STX1A: variants seen among roughly 807,000 people sequenced by gnomAD.
The protein encoded by STX1A is syntaxin 1A, also known as syntaxin-1A.
In STX1A, 4 loss-of-function variants were observed where a neutral mutation model predicts 37.8. The observed-to-expected ratio is 0.11, with a 90% CI of 0.05 to 0.24. The LOEUF (loss-of-function observed/expected upper bound fraction) is 0.24. Ranked by LOEUF, STX1A falls within the 10% of genes least tolerant of loss-of-function variation. The probability of loss-of-function intolerance (pLI) is 1.00; values close to 1 mark genes in which losing one functional copy is unlikely to be tolerated. For synonymous variants in STX1A, 135 were observed against 147.4 expected, an observed-to-expected ratio of 0.92 and a Z score of 0.61; for missense variants, 251 against 399.9, an observed-to-expected ratio of 0.63 and a Z score of 3.18.
rs564014664 is a variant in STX1A, at chr7:73,705,507, A to C, written c.209-283T>G. On this transcript the variant is annotated intron_variant, in intron 3 of 9. Coordinates refer to ENST00000222812, the MANE Select transcript of STX1A (RefSeq NM_004603.4). This position sits in a 1 kb window ranked among gnomAD's most constrained non-coding sequence, Gnocchi z 5.2. ...GGAGATAACAGATGGGTCTAAATTT[A>C]AGGCAGAAGTAATTGTGGAGCAGCT... 7.6e-6 allele frequency: 3 copies of C among 394,286 alleles called. No individual in the cohort carries two copies. The highest frequency in any genetic ancestry group is 9.9e-5 in the East Asian group (2 of 20,164). The allele number at this position is 394,286 out of a possible 1,614,324, so 24.4% of individuals were successfully genotyped here. A position where few individuals can be genotyped will look rare whatever the true frequency, so the allele number is the denominator to read the frequency against.
Position 73,702,999 on chromosome 7 carries a change from G to A in STX1A, c.541-17C>T. 6.3e-7 allele frequency: 1 copy of A among 1,585,548 alleles called. No homozygotes were observed. The highest frequency in any genetic ancestry group is 1.2e-5 in the South Asian group (1 of 86,730). On this transcript the variant is annotated splice_polypyrimidine_tract_variant and intron_variant, in intron 7 of 9. Coordinates refer to ENST00000222812, the MANE Select transcript of STX1A (RefSeq NM_004603.4). The surrounding 1 kb of genome is among the most constrained non-coding windows in gnomAD (Gnocchi z 4.7). ...CATGATGATCTGGGGGTGGGAGCAG[G>A]GGGCTGGGACCCAGAGGCTTGCTGA...
At position 73,704,412 on chromosome 7, in the gene STX1A, A is replaced by ACTG; in HGVS notation, c.292_294dup (p.Gln98dup). 6.2e-7 allele frequency: 1 copy of ACTG among 1,614,054 alleles called. No homozygotes were observed. Among genetic ancestry groups the ACTG allele is most frequent in the Non-Finnish European group, 8.5e-7 (1 of 1,180,000 alleles). The stretch of plus-strand genomic sequence containing the variant: ...TTCAGGCCTTCCTCTTGCTCGATGG[A>ACTG]CTGCTCGATGCCTGGGGGCACAGGT... On this transcript the variant is annotated inframe_insertion, in exon 5 of 10. Coordinates refer to ENST00000222812, the MANE Select transcript of STX1A (RefSeq NM_004603.4).
chr7:73,708,185 A>T (rs1380715356), intron 3 of STX1A, among the ~76,000 whole-genome samples: 1 of 145,746 alleles, frequency 6.9e-6, no homozygotes, highest in African/African-American at 2.6e-5. Context: ...AATCGCTTGA[A>T]CCCGGAAGGC....
intron 1 of STX1A, among the ~76,000 whole-genome samples, chr7:73,712,848 C>T (rs1467213060): frequency 2.0e-5 from 3 of 152,182 alleles, no homozygotes; most frequent in Non-Finnish European, 4.4e-5. Context: ...AAATTACAGC[C>T]CCTGCCCAAG....
In STX1A at chr7:73,705,275, G is replaced by A. The variant is rs781980128; in HGVS notation, c.209-51C>T. On this transcript the variant is annotated intron_variant, in intron 3 of 9. Coordinates refer to ENST00000222812, the MANE Select transcript of STX1A (RefSeq NM_004603.4). This position sits in a 1 kb window ranked among gnomAD's most constrained non-coding sequence, Gnocchi z 5.2. The stretch of plus-strand genomic sequence containing the variant: ...AGGCCTCCTAGGCTCCGCGGGGACT[G>A]ATGTGCAGGCTCAGCCTCCAGCCCA... The A allele has an allele frequency of 2.7e-6, 4 of 1,493,966 alleles. No individual in the cohort carries two copies. The allele number at this position is 1,493,966 out of a possible 1,614,324, so 92.5% of individuals were successfully genotyped here.
At chr7:73,708,786 G>A in intron 2 of STX1A, 98 bp from the exon 3 acceptor site, 1 of 1,315,254 alleles carries the variant, frequency 7.6e-7, no homozygotes, top group South Asian at 1.3e-5. Flanking sequence ...CAGGGCTCAG[G>A]GGGAGGACGG....
rs1283869909 is a variant in STX1A at position 73,704,024 on chromosome 7, TGCCTCGGGCCACCC to T, written c.466+110_466+123del. The T allele has an allele frequency of 1.2e-4, 119 of 1,030,706 alleles. 2 individuals carry two copies. The highest frequency in any genetic ancestry group is 1.1e-3 in the Middle Eastern group (3 of 2,708). The allele number at this position is 1,030,706 out of a possible 1,614,324, so 63.8% of individuals were successfully genotyped here. On this transcript the variant is annotated intron_variant, in intron 6 of 9. Coordinates refer to ENST00000222812, the MANE Select transcript of STX1A (RefSeq NM_004603.4). The stretch of plus-strand genomic sequence containing the variant: ...CCCCTCCAGCCCCAAACTCAGCAGC[TGCCTCGGGCCACCC>T]GCCTCGGGCCCCTAACTAAGCAGCA...
At chr7:73,708,357 T>C (rs1023687159) in intron 3 of STX1A, among the ~76,000 whole-genome samples, 20 of 151,888 alleles carry the variant, frequency 1.3e-4, no homozygotes, top group Admixed American at 1.3e-3. Context: ...AAGTCTTTCA[T>C]GGAGACCTGG....
In STX1A at chr7:73,717,677, T is replaced by C. The variant is rs1201281373; in HGVS notation, c.30+1925A>G. 6.6e-6 allele frequency among the ~76,000 whole-genome samples: 1 copy of C among 152,052 alleles called. No homozygotes were observed. Among genetic ancestry groups the C allele is most frequent in the Non-Finnish European group, 1.5e-5 (1 of 67,988 alleles). On this transcript the variant is annotated intron_variant, in intron 1 of 9. Coordinates refer to ENST00000222812, the MANE Select transcript of STX1A (RefSeq NM_004603.4). The surrounding 1 kb of genome is among the most constrained non-coding windows in gnomAD (Gnocchi z 4.1). ...GCCTCCCTGGGCTCTGAATGCCTTG[T>C]GTGGGGAGGGTGGGGGTGTCTGGAG...
chr7:73,700,366 G>A lies in STX1A; in HGVS notation c.*41C>T. On this transcript the variant is annotated 3_prime_UTR_variant, in exon 10 of 10. Transcript: ENST00000222812. The surrounding 1 kb of genome is among the most constrained non-coding windows in gnomAD (Gnocchi z 4.4). ...AGGTGGCAGCAGCCAGGGCCTCCTT[G>A]GAGTGGCCCACCTGGAGTGGAGTGG... 1.2e-6 allele frequency: 2 copies of A among 1,602,576 alleles called. No individual in the cohort carries two copies. Among genetic ancestry groups the A allele is most frequent in the Non-Finnish European group, 1.7e-6 (2 of 1,169,600 alleles).
intron 1 of STX1A, among the ~76,000 whole-genome samples, chr7:73,718,631 A>G (rs782104648): frequency 2.8e-4 from 43 of 151,756 alleles, no homozygotes; most frequent in Non-Finnish European, 5.6e-4. Context: ...CCTCCCCGAC[A>G]CACCCAGAGA....
intron 8 of STX1A, among the ~76,000 whole-genome samples, chr7:73,701,537 A>G (rs868909518): frequency 1.3e-4 from 20 of 151,818 alleles, no homozygotes; most frequent in African/African-American, 4.8e-4. Context: ...AGAAAAAGAA[A>G]AAAAAAAAAA....
rs1798717037 is a variant in STX1A at position 73,702,973 on chromosome 7, C to T, written c.550G>A (p.Asp184Asn). 1.2e-6 allele frequency: 2 copies of T among 1,606,956 alleles called. No homozygotes were observed. Among genetic ancestry groups the T allele is most frequent in the Non-Finnish European group, 1.7e-6 (2 of 1,177,226 alleles). ...PAIFASGIIM[D>N]SSISKQALSE... ...AGAGCCTGCTTCGAGATGCTGGAGT[C>T]CATGATGATCTGGGGGTGGGAGCAG... is the stretch of plus-strand genomic sequence containing the variant. Residue 184 changes from aspartate to asparagine, a missense_variant, in exon 8 of 10, where the codon GAC becomes AAC. Physicochemically the swap from Asp to Asn is conservative, Grantham distance 23. Around this residue, in one of 2 missense-constraint regions of STX1A, gnomAD observed 214 missense variants for 367.6 expected, o/e 0.58. Transcript: ENST00000222812. The surrounding 1 kb of genome is among the most constrained non-coding windows in gnomAD (Gnocchi z 4.7).
At chr7:73,703,233 CG>C in intron 7 of STX1A, 1 of 579,314 alleles carries the variant, frequency 1.7e-6, no homozygotes, top group Non-Finnish European at 3.1e-6. Flanking sequence ...GGCCACAGAG[CG>C]AGTGCTCAGT....
chr7:73,712,317 C>A (rs1323779810), intron 1 of STX1A, among the ~76,000 whole-genome samples: 1 of 151,408 alleles, frequency 6.6e-6, no homozygotes, highest in African/African-American at 2.4e-5. Flanking sequence ...TGGGATCAGA[C>A]CCCACTCCCC....
At position 73,706,898 on chromosome 7, in the gene STX1A, C is replaced by T. The variant is rs1471811775; in HGVS notation, c.209-1674G>A. On this transcript the variant is annotated intron_variant, in intron 3 of 9. Transcript: ENST00000222812. The surrounding 1 kb of genome is among the most constrained non-coding windows in gnomAD (Gnocchi z 4.6). ...GAGCCCTGGGCGTCCCTCTCTCCCT[C>T]CTGCCCTTCCTGAGGCAGTCCACCC... Among the ~76,000 whole-genome samples, 1 of 152,216 alleles carries T rather than the reference C, an allele frequency of 6.6e-6. No individual in the cohort carries two copies. Among genetic ancestry groups the T allele is most frequent in the Admixed American group, 6.5e-5 (1 of 15,288 alleles).
intron 4 of STX1A, chr7:73,704,718 A>G (rs1798808644): frequency 1.9e-6 from 1 of 534,624 alleles, no homozygotes; most frequent in African/African-American, 1.9e-5. Flanking sequence ...TCTGCTCAGA[A>G]AGGCTGTGTA....
At position 73,705,420 on chromosome 7, in the gene STX1A, C is replaced by A; in HGVS notation, c.209-196G>T. ...CAGGGCTGCACCAGCTGCAGCTTCA[C>A]CCCCTCTTGTGCTGTCTTCGGAGGA... On this transcript the variant is annotated intron_variant, in intron 3 of 9. Coordinates refer to ENST00000222812, the MANE Select transcript of STX1A (RefSeq NM_004603.4). The surrounding 1 kb of genome is among the most constrained non-coding windows in gnomAD (Gnocchi z 5.2). 1.7e-6 allele frequency: 1 copy of A among 586,676 alleles called. No individual in the cohort carries two copies. Among genetic ancestry groups the A allele is most frequent in the Non-Finnish European group, 3.0e-6 (1 of 329,108 alleles). 36.3% of individuals were successfully genotyped at this position (586,676 alleles called of 1,614,324 possible).
chr7:73,705,173 T>G lies in STX1A; in HGVS notation c.260A>C (p.Asn87Thr). The stretch of plus-strand genomic sequence containing the variant: ...ACTCTTTAACTTGGAACGAACTTTG[T>G]TTGCTGTCTTCTTTATGTCGGACAT... Reference protein sequence around the residue: ...ELMSDIKKTANKVRSKLKSIE... With the variant: ...ELMSDIKKTATKVRSKLKSIE... Residue 87 changes from asparagine to threonine, a missense_variant, in exon 4 of 10, where the codon AAC becomes ACC. Around this residue, in one of 2 missense-constraint regions of STX1A, gnomAD observed 214 missense variants for 367.6 expected, o/e 0.58. Transcript: ENST00000222812. This position sits in a 1 kb window ranked among gnomAD's most constrained non-coding sequence, Gnocchi z 5.2. 6.2e-7 allele frequency: 1 copy of G among 1,613,794 alleles called. No individual in the cohort carries two copies. The highest frequency in any genetic ancestry group is 8.5e-7 in the Non-Finnish European group (1 of 1,179,880).
Sources: gnomAD v4.1 joint callset for allele counts (sites outside exome capture counted in the v4.1 genomes callset) on GRCh38, gnomAD v4.1.1 for gene constraint, gnomAD v4.1.1 regional missense constraint, Gnocchi (gnomAD v3.1) non-coding constraint, MANE v1.5 for transcripts, NCBI Gene and HGNC (gene_info 2026-07-23, HGNC 2026-07-21) for gene names.